Variants in GALNT10 observed in about 807,000 individuals in gnomAD.
GALNT10 encodes the protein GalNAc transferase 10.
Under a neutral mutation model 75.0 loss-of-function variants are expected in GALNT10, and 41 were observed. The observed-to-expected ratio is 0.55, with a 90% CI of 0.43 to 0.71. The LOEUF (loss-of-function observed/expected upper bound fraction) is 0.71. Ranked by LOEUF, GALNT10 falls within the 30% of genes least tolerant of loss-of-function variation. The pLI, the probability that GALNT10 is intolerant of heterozygous loss-of-function variation, is 0.00. For synonymous variants in GALNT10, 302 were observed against 313.0 expected, an observed-to-expected ratio of 0.96 and a Z score of 0.37; for missense variants, 727 against 818.5, an observed-to-expected ratio of 0.89 and a Z score of 1.36.
intron 4 of GALNT10, among the ~76,000 whole-genome samples, chr5:154,373,461 A>G (rs1156444907): frequency 3.9e-5 from 6 of 152,186 alleles, no homozygotes; most frequent in African/African-American, 1.4e-4. Flanking sequence ...ATCATCATTT[A>G]TAAACTATGT....
intron 1 of GALNT10, among the ~76,000 whole-genome samples, chr5:154,199,864 T>G (rs1001614204): frequency 2.0e-5 from 3 of 152,326 alleles, no homozygotes; most frequent in African/African-American, 4.8e-5. Context: ...TGGGGCTTCC[T>G]GCTCCTTCTC....
At chr5:154,209,108 G>A (rs1363441174) in intron 1 of GALNT10, among the ~76,000 whole-genome samples, 1 of 152,216 alleles carries the variant, frequency 6.6e-6, no homozygotes, top group African/African-American at 2.4e-5. Context: ...GCTGTTGGTC[G>A]CTGGATGCCG....
At chr5:154,278,033 T>C (rs1753976994) in intron 1 of GALNT10, among the ~76,000 whole-genome samples, 1 of 152,244 alleles carries the variant, frequency 6.6e-6, no homozygotes, top group African/African-American at 2.4e-5. Flanking sequence ...AATGGATAGA[T>C]GGATGAATGG....
At chr5:154,291,737 T>C (rs1370637764) in intron 1 of GALNT10, among the ~76,000 whole-genome samples, 1 of 152,204 alleles carries the variant, frequency 6.6e-6, no homozygotes, top group East Asian at 1.9e-4. Flanking sequence ...CCAGGGCTTC[T>C]TATCTCCTAG....
chr5:154,305,844 C>A (rs1465432460), intron 3 of GALNT10, among the ~76,000 whole-genome samples: 1 of 152,024 alleles, frequency 6.6e-6, no homozygotes, highest in Non-Finnish European at 1.5e-5. Flanking sequence ...ATGGTGAAAC[C>A]CTGTCTCTAC....
chr5:154,239,663 C>T (rs749123265), intron 1 of GALNT10, among the ~76,000 whole-genome samples: 51 of 152,098 alleles, frequency 3.4e-4, no homozygotes, highest in African/African-American at 1.2e-3. Context: ...TGCCATTAAT[C>T]GAACATCATT....
chr5:154,279,611 G>A (rs1314218049), intron 1 of GALNT10, among the ~76,000 whole-genome samples: 1 of 151,966 alleles, frequency 6.6e-6, no homozygotes, highest in Non-Finnish European at 1.5e-5. Flanking sequence ...CTTAATGGTA[G>A]TTTTGATTTG....
At chr5:154,293,613 A>ATATATTTTTTTTTT in intron 1 of GALNT10, among the ~76,000 whole-genome samples, 4 of 109,360 alleles carry the variant, frequency 3.7e-5, no homozygotes, top group African/African-American at 1.7e-4. Context: ...ATATATATAT[A>ATATATTTTTTTTTT]TTTTTTTTTT....
intron 1 of GALNT10, among the ~76,000 whole-genome samples, chr5:154,202,790 G>A (rs950500205): frequency 1.3e-5 from 2 of 152,240 alleles, no homozygotes; most frequent in Non-Finnish European, 2.9e-5. Flanking sequence ...AGACACTGGT[G>A]TGGTGTGAGC....
At chr5:154,385,901 C>T (rs1755800322) in intron 6 of GALNT10, among the ~76,000 whole-genome samples, 1 of 152,182 alleles carries the variant, frequency 6.6e-6, no homozygotes, top group Non-Finnish European at 1.5e-5. Context: ...TGGGGCCCAG[C>T]GAGCTGTATA....
intron 5 of GALNT10, among the ~76,000 whole-genome samples, chr5:154,378,183 T>C (rs1327900919): frequency 6.6e-6 from 1 of 152,248 alleles, no homozygotes; most frequent in Non-Finnish European, 1.5e-5. Context: ...GAGCGCATCA[T>C]GGCTTTTGTC....
At chr5:154,256,314 G>A (rs1753608727) in intron 1 of GALNT10, among the ~76,000 whole-genome samples, 2 of 148,910 alleles carry the variant, frequency 1.3e-5, no homozygotes, top group Non-Finnish European at 3.0e-5. Context: ...GATTTTTTAA[G>A]AGAACTTTCT....
rs182669921 is a variant in GALNT10, at chr5:154,294,896, C to A, written c.240C>A (p.Ile80=). 1.9e-6 allele frequency: 3 copies of A among 1,583,308 alleles called. No individual in the cohort carries two copies. In the Admixed American group the frequency reaches 5.0e-5, roughly 26 times the overall value. Residue 80 remains isoleucine (I), a synonymous_variant, in exon 2 of 12, where the codon ATC becomes ATA. Coordinates refer to ENST00000297107, the MANE Select transcript of GALNT10 (RefSeq NM_198321.4). The part of the protein sequence containing the change: ...KLKDWHDKEA[I]RRDAQRVGNG... ...AGGACTGGCATGACAAGGAGGCCAT[C>A]CGGAGGGACGCTCAGCGCGTAGGTA...
In GALNT10 at chr5:154,409,463, G is replaced by A. The variant is rs758421976; in HGVS notation, c.1165-78G>A. ...AAATAAGAAGGGTTGACCTCGACCT[G>A]CCAGGACCCTTTTCACCCCACTGCC... On this transcript the variant is annotated intron_variant, in intron 8 of 11. Coordinates refer to ENST00000297107, the MANE Select transcript of GALNT10 (RefSeq NM_198321.4). This position sits in a 1 kb window ranked among gnomAD's most constrained non-coding sequence, Gnocchi z 4.5. The A allele has an allele frequency of 9.6e-6, 9 of 940,130 alleles. 1 individual carries two copies. In the South Asian group the frequency reaches 1.2e-4, roughly 12 times the overall value. 58.2% of individuals were successfully genotyped at this position (940,130 alleles called of 1,614,324 possible).
intron 9 of GALNT10, among the ~76,000 whole-genome samples, chr5:154,410,524 C>T (rs1756376250): frequency 6.6e-6 from 1 of 152,218 alleles, no homozygotes; most frequent in South Asian, 2.1e-4. Context: ...TGCACTCCAG[C>T]CTGGTGACAG....
chr5:154,418,303 T>C lies in GALNT10; in HGVS notation c.*1331T>C, dbSNP rs923107788. 3.9e-5 allele frequency: 6 copies of C among 152,186 alleles called. No individual in the cohort carries two copies. Among genetic ancestry groups the C allele is most frequent in the Non-Finnish European group, 7.3e-5 (5 of 68,078 alleles). The allele number at this position is 152,186 out of a possible 1,614,324, so 9.4% of individuals were successfully genotyped here. ...ATCACAACTGTAGTCTCATTTGCAG[T>C]GGAGAAAAGAACCCGACGTCCCACA... On this transcript the variant is annotated 3_prime_UTR_variant, in exon 12 of 12. Coordinates refer to ENST00000297107, the MANE Select transcript of GALNT10 (RefSeq NM_198321.4).
At chr5:154,229,985 A>T (rs1332240540) in intron 1 of GALNT10, among the ~76,000 whole-genome samples, 1 of 152,224 alleles carries the variant, frequency 6.6e-6, no homozygotes, top group African/African-American at 2.4e-5. Flanking sequence ...CACCTTTGGA[A>T]AATGCAGAGA....
intron 4 of GALNT10, among the ~76,000 whole-genome samples, chr5:154,334,687 T>C (rs967655567): frequency 6.6e-6 from 1 of 152,210 alleles, no homozygotes; most frequent in Non-Finnish European, 1.5e-5. Context: ...TATGATCTCA[T>C]TGACAGCATT....
intron 3 of GALNT10, among the ~76,000 whole-genome samples, chr5:154,316,443 G>T (rs1301636523): frequency 6.6e-6 from 1 of 152,202 alleles, no homozygotes; most frequent in Non-Finnish European, 1.5e-5. Flanking sequence ...AACTATTCAT[G>T]GCGTGCTTGT....
Sources: allele counts gnomAD v4.1 joint callset (sites outside exome capture counted in the v4.1 genomes callset), GRCh38; gene constraint gnomAD v4.1.1; non-coding constraint Gnocchi (gnomAD v3.1); transcripts MANE v1.5; gene names NCBI Gene and HGNC (gene_info 2026-07-23, HGNC 2026-07-21).